EGF: variants seen among roughly 807,000 people sequenced by gnomAD.
The protein encoded by EGF is pro-epidermal growth factor.
A neutral mutation model predicts 143.8 loss-of-function variants in EGF; 95 were observed. That is an observed-to-expected ratio of 0.66 (90% CI 0.56 to 0.78). The LOEUF (loss-of-function observed/expected upper bound fraction) is 0.78. Among genes scored for constraint, EGF ranks in the 30% least tolerant of loss-of-function variants. EGF has a pLI of 0.00. For missense variants in EGF, 1,320 were observed against 1,470.9 expected (o/e 0.90, Z 1.68); for synonymous variants, 510 against 510.5 (o/e 1.00, Z 0.01).
At chr4:109,939,772 C>T (rs567025674) in intron 1 of EGF, among the ~76,000 whole-genome samples, 6 of 152,194 alleles carry the variant, frequency 3.9e-5, no homozygotes, top group Non-Finnish European at 7.3e-5. Context: ...AGGATGTTAA[C>T]CCATCATTTT....
At chr4:109,948,533 G>A (rs1438886983) in intron 5 of EGF, among the ~76,000 whole-genome samples, 1 of 152,118 alleles carries the variant, frequency 6.6e-6, no homozygotes, top group Non-Finnish European at 1.5e-5. Context: ...TGCCCAGGCT[G>A]GAGTGCAATG....
chr4:109,973,305 A>G (rs1160940292), intron 11 of EGF, among the ~76,000 whole-genome samples: 1 of 152,104 alleles, frequency 6.6e-6, no homozygotes, highest in African/African-American at 2.4e-5. Flanking sequence ...CAAACTTTCT[A>G]AAGTGCAAGT....
Position 110,012,745 on chromosome 4 carries a change from T to A in EGF, c.*1290T>A, listed in dbSNP as rs956310610. Among the ~76,000 whole-genome samples, 1 of 152,184 alleles carries A rather than the reference T, an allele frequency of 6.6e-6. No individual in the cohort carries two copies. The highest frequency in any genetic ancestry group is 2.4e-5 in the African/African-American group (1 of 41,450). ...TTAAAAAAATTTTTTAATCTACAAC[T>A]CTGTAGATTAAAATTTCACATGGTG... On this transcript the variant is annotated 3_prime_UTR_variant, in exon 24 of 24. Transcript: ENST00000265171.
At chr4:109,913,565 T>C (rs1736076845) in intron 1 of EGF, 103 bp downstream of exon 1, 1 of 1,524,932 alleles carries the variant, frequency 6.6e-7, no homozygotes, top group Non-Finnish European at 8.9e-7. Flanking sequence ...AGTTTGTCTT[T>C]GGGTATGTAT....
At chr4:109,980,676 T>C in intron 14 of EGF, 150 bp from the exon 15 acceptor site, 1 of 868,258 alleles carries the variant, frequency 1.2e-6, no homozygotes, top group Non-Finnish European at 1.9e-6. Context: ...GGAACTCTTC[T>C]GAAATAGCTA....
intron 14 of EGF, among the ~76,000 whole-genome samples, chr4:109,980,359 C>A (rs1378503634): frequency 6.6e-6 from 1 of 152,118 alleles, no homozygotes. Context: ...TCTTGAACAA[C>A]TTTTACTTAC....
At chr4:109,993,435 C>G (rs1751323990) in intron 19 of EGF, 66 bp downstream of exon 19, 1 of 1,600,928 alleles carries the variant, frequency 6.2e-7, no homozygotes, top group Non-Finnish European at 8.5e-7. Context: ...ATACCCTAAT[C>G]TCTATTTGCA....
chr4:109,919,571 C>T (rs757892070), intron 1 of EGF, among the ~76,000 whole-genome samples: 4 of 152,018 alleles, frequency 2.6e-5, no homozygotes, highest in Non-Finnish European at 4.4e-5. Context: ...CTCCCCTCTC[C>T]ACAATTCTTA....
chr4:110,005,036 C>CTTTTTTTTTTTTTTT (rs538062029), intron 22 of EGF, among the ~76,000 whole-genome samples: 7 of 80,692 alleles, frequency 8.7e-5, no homozygotes, highest in African/African-American at 1.3e-4. Context: ...TTTTCTCTGT[C>CTTTTTTTTTTTTTTT]TTTTTTTTTT....
intron 1 of EGF, among the ~76,000 whole-genome samples, chr4:109,914,359 G>A (rs959719236): frequency 6.6e-6 from 1 of 152,082 alleles, no homozygotes; most frequent in African/African-American, 2.4e-5. Context: ...GTAGATTGAG[G>A]GGGAAAACAC....
intron 1 of EGF, among the ~76,000 whole-genome samples, chr4:109,937,064 G>A (rs933864020): frequency 3.3e-5 from 5 of 152,050 alleles, no homozygotes; most frequent in East Asian, 3.9e-4. Context: ...GCTTGGTCCA[G>A]AGCTGAGTTC....
chr4:109,939,399 C>T lies in EGF; in HGVS notation c.128-1547C>T, dbSNP rs11568871. On this transcript the variant is annotated intron_variant, in intron 1 of 23. Transcript: ENST00000265171. ...CTGGTTGCAAAGACCGTGGGAAAAGCGCAGTATTTGGACAAAAGTGTACAG... is the reference window on the plus strand; with the variant it reads ...CTGGTTGCAAAGACCGTGGGAAAAGTGCAGTATTTGGACAAAAGTGTACAG... Among the ~76,000 whole-genome samples, 1,404 of 152,338 alleles carry T rather than the reference C, an allele frequency of 9.2e-3. 21 individuals carry two copies. The highest frequency in any genetic ancestry group is 0.031 in the African/African-American group (1,294 of 41,572).
At chr4:110,003,844 C>T (rs1199320712) in intron 21 of EGF, among the ~76,000 whole-genome samples, 2 of 152,268 alleles carry the variant, frequency 1.3e-5, no homozygotes, top group East Asian at 1.9e-4. Context: ...CTTGGGTCAT[C>T]CACTCCTTCT....
intron 21 of EGF, chr4:110,004,158 AG>A (rs1466158543): frequency 1.1e-5 from 4 of 370,642 alleles, no homozygotes; most frequent in Admixed American, 7.4e-5. Flanking sequence ...AGTACTCAAT[AG>A]ATACCTGTGA....
intron 19 of EGF, 101 bp from the exon 20 acceptor site, chr4:109,994,632 A>C: frequency 1.5e-6 from 2 of 1,370,710 alleles, no homozygotes; most frequent in Non-Finnish European, 2.1e-6. Flanking sequence ...TCACTAAAAG[A>C]TTTATGTCAC....
intron 23 of EGF, among the ~76,000 whole-genome samples, chr4:110,010,915 C>T (rs1038190984): frequency 1.1e-4 from 17 of 151,974 alleles, no homozygotes; most frequent in African/African-American, 3.1e-4. Context: ...AAAAGTTAGC[C>T]GGGTAGTCCT....
intron 22 of EGF, among the ~76,000 whole-genome samples, chr4:110,006,688 G>A (rs746743687): frequency 1.6e-4 from 25 of 152,172 alleles, no homozygotes; most frequent in Non-Finnish European, 3.7e-4. Context: ...GGGAATGAAG[G>A]AGAAACACAA....
At chr4:109,971,411 G>A (rs1271295527) in intron 11 of EGF, among the ~76,000 whole-genome samples, 2 of 152,150 alleles carry the variant, frequency 1.3e-5, no homozygotes, top group African/African-American at 4.8e-5. Flanking sequence ...TCTCAGGAGG[G>A]TAAACGATGA....
At chr4:109,994,908 CAG>C (rs772508844) in intron 20 of EGF, 28 bp downstream of exon 20, 1 of 1,613,798 alleles carries the variant, frequency 6.2e-7, no homozygotes, top group South Asian at 1.1e-5. Context: ...GCTGATGGCA[CAG>C]AGAGATGCTA....
Sources: allele counts gnomAD v4.1 joint callset (sites outside exome capture counted in the v4.1 genomes callset), GRCh38; gene constraint gnomAD v4.1.1; transcripts MANE v1.5; gene names NCBI Gene and HGNC (gene_info 2026-07-23, HGNC 2026-07-21).